The following USB1 variants were observed in gnomAD, a reference collection of about 807,000 sequenced individuals.
USB1 encodes the protein U6 snRNA phosphodiesterase 1.
Under a neutral mutation model 29.9 loss-of-function variants are expected in USB1, and 21 were observed. That is an observed-to-expected ratio of 0.70 (90% CI 0.50 to 1.01). The LOEUF (loss-of-function observed/expected upper bound fraction) is 1.01, where lower values mean the gene tolerates loss of function less well. Ranked by LOEUF, USB1 falls within the 50% of genes least tolerant of loss-of-function variation. The pLI, the probability that USB1 is intolerant of heterozygous loss-of-function variation, is 0.00. For missense variants in USB1, 330 were observed against 347.1 expected (o/e 0.95, Z 0.39); for synonymous variants, 143 against 134.9 (o/e 1.06, Z -0.42).
rs1963259752 is a variant in USB1, at chr16:58,002,773, T to G, written c.265+128T>G. 4 of 1,331,736 alleles carry G rather than the reference T, an allele frequency of 3.0e-6. No individual in the cohort carries two copies. In the East Asian group the frequency reaches 1.0e-4, roughly 33 times the overall value. The allele number at this position is 1,331,736 out of a possible 1,614,324, so 82.5% of individuals were successfully genotyped here. A position where few individuals can be genotyped will look rare whatever the true frequency, so the allele number is the denominator to read the frequency against. ...CTAACACTGGTGGTGGGAAAGTCATTGACTTAGCAGAGAAAGAGCAGGTTT... is the reference window on the plus strand; with the variant it reads ...CTAACACTGGTGGTGGGAAAGTCATGGACTTAGCAGAGAAAGAGCAGGTTT... On this transcript the variant is annotated intron_variant, in intron 2 of 6. Coordinates refer to ENST00000219281, the MANE Select transcript of USB1 (RefSeq NM_024598.4).
At chr16:58,011,004 C>T in intron 3 of USB1, 1 of 706,326 alleles carries the variant, frequency 1.4e-6, no homozygotes, top group East Asian at 2.7e-5. Flanking sequence ...ATGCCTTGCT[C>T]TTTCTGTGAT....
intron 3 of USB1, chr16:58,010,320 C>G: frequency 1.6e-6 from 1 of 618,016 alleles, no homozygotes; most frequent in Non-Finnish European, 2.8e-6. Flanking sequence ...CGTATCTGCT[C>G]TGTAGGAAAA....
At chr16:58,006,846 A>G (rs1381503295) in intron 2 of USB1, among the ~76,000 whole-genome samples, 1 of 152,212 alleles carries the variant, frequency 6.6e-6, no homozygotes, top group Non-Finnish European at 1.5e-5. Context: ...TCAGTTAGCT[A>G]TAGGTATTTT....
intron 5 of USB1, 28 bp from the exon 6 acceptor site, chr16:58,018,944 A>ACTGC: frequency 6.2e-7 from 1 of 1,612,704 alleles, no homozygotes; most frequent in Non-Finnish European, 8.5e-7. Context: ...CGTCCGGGTG[A>ACTGC]CTGCCTGCCT....
rs914167381 is a variant in USB1 at position 58,020,238 on chromosome 16, T to G, written c.791T>G (p.Leu264Trp). Reference protein sequence around the residue: ...KSGNKFFSMPLK With the variant: ...KSGNKFFSMPWK ...GGGAACAAGTTCTTCTCGATGCCTT[T>G]GAAGTGAGCACCAGAGGCCTTCCTC... The change falls in exon 7 of 7, where the codon TTG (leucine) becomes TGG (tryptophan). Residue 264 changes from leucine (L) to tryptophan (W), a missense_variant. Transcript: ENST00000219281. The G allele has an allele frequency of 6.2e-7, 1 of 1,614,130 alleles. No homozygotes were observed.
intron 6 of USB1, among the ~76,000 whole-genome samples, chr16:58,019,917 TC>T (rs1567424276): frequency 2.0e-5 from 3 of 152,094 alleles, no homozygotes; most frequent in Non-Finnish European, 4.4e-5. Flanking sequence ...GTTTCTGTGA[TC>T]CAGGGCTCTG....
chr16:58,000,052 C>G (rs374167714), upstream of USB1, among the ~76,000 whole-genome samples: 1 of 152,196 alleles, frequency 6.6e-6, no homozygotes, highest in African/African-American at 2.4e-5. This position sits in a 1 kb window ranked among gnomAD's most constrained non-coding sequence, Gnocchi z 4.5. Flanking sequence ...TGCGCCCCAC[C>G]CCGTCTCTTC....
chr16:58,014,279 C>G lies in USB1; in HGVS notation c.456C>G (p.Phe152Leu), dbSNP rs1963564332. 2.5e-6 allele frequency: 4 copies of G among 1,613,242 alleles called. No homozygotes were observed. Among genetic ancestry groups the G allele is most frequent in the Non-Finnish European group, 3.4e-6 (4 of 1,179,554 alleles). The change falls in exon 4 of 7, where the codon TTC (phenylalanine) becomes TTG (leucine). Residue 152 changes from phenylalanine to leucine, a missense_variant. Physicochemically the swap from Phe to Leu is conservative, Grantham distance 22. Transcript: ENST00000219281. ...ATGGTCTTCTAAATTTCAGATTCTT[C>G]TTTACTGCCAACCAGGTAAAGATTT... ...KARMTSFHRF[F>L]FTANQVKIYT... is the part of the protein sequence containing the mutation.
At position 58,014,258 on chromosome 16, in the gene USB1, T is replaced by G. The variant is rs753935773; in HGVS notation, c.450-15T>G. On this transcript the variant is annotated splice_polypyrimidine_tract_variant and intron_variant, in intron 3 of 6. Coordinates refer to ENST00000219281, the MANE Select transcript of USB1 (RefSeq NM_024598.4). Reference sequence around the variant, plus strand: ...TCTTACGATTTTTCCTGAAATATGGTCTTCTAAATTTCAGATTCTTCTTTA... The same window carrying G: ...TCTTACGATTTTTCCTGAAATATGGGCTTCTAAATTTCAGATTCTTCTTTA... 1 of 1,606,742 alleles carries G rather than the reference T, an allele frequency of 6.2e-7. No homozygotes were observed. Among genetic ancestry groups the G allele is most frequent in the Non-Finnish European group, 8.5e-7 (1 of 1,174,026 alleles).
intron 6 of USB1, among the ~76,000 whole-genome samples, chr16:58,019,431 AGGCTTGGGCCT>A (rs1397771028): frequency 6.6e-6 from 1 of 152,230 alleles, no homozygotes; most frequent in Non-Finnish European, 1.5e-5. Flanking sequence ...CAGAGGTCAG[AGGCTTGGGCCT>A]GGCACTGAAA....
chr16:58,006,862 A>G (rs1963372547), intron 2 of USB1, among the ~76,000 whole-genome samples: 1 of 152,224 alleles, frequency 6.6e-6, no homozygotes, highest in Non-Finnish European at 1.5e-5. Flanking sequence ...ATTTTTAGAC[A>G]TTCTCTATCA....
chr16:58,020,576 T>TCTCTCTCTTCCTCTC lies in USB1; in HGVS notation c.*337_*338insCTTCCTCTCCTCTCT. Reference sequence around the variant, plus strand: ...CTCCTCCCCTCCTCTCTTCCTCTCCTCTCTCTTCCTCTCCTCTCTCTACCC... The same window carrying TCTCTCTCTTCCTCTC: ...CTCCTCCCCTCCTCTCTTCCTCTCCTCTCTCTCTTCCTCTCCTCTCTTCCTCTCCTCTCTCTACCC... On this transcript the variant is annotated 3_prime_UTR_variant, in exon 7 of 7. Coordinates refer to ENST00000219281, the MANE Select transcript of USB1 (RefSeq NM_024598.4). The TCTCTCTCTTCCTCTC allele has an allele frequency of 6.6e-6, 2 of 303,732 alleles. No individual in the cohort carries two copies. The highest frequency in any genetic ancestry group is 2.7e-5 in the South Asian group (1 of 36,946). The allele number at this position is 303,732 out of a possible 1,614,324, so 18.8% of individuals were successfully genotyped here. A position where few individuals can be genotyped will look rare whatever the true frequency, so the allele number is the denominator to read the frequency against.
chr16:58,002,873 A>G (rs1412515143), intron 2 of USB1, among the ~76,000 whole-genome samples: 1 of 152,332 alleles, frequency 6.6e-6, no homozygotes, highest in African/African-American at 2.4e-5. Context: ...TGGGTATAAT[A>G]TTCTCCCTGT....
At chr16:58,012,635 T>A in intron 3 of USB1, 1 of 1,315,128 alleles carries the variant, frequency 7.6e-7, no homozygotes, top group East Asian at 3.1e-5. Flanking sequence ...GTCTGACCCG[T>A]CTCCTGTGTG....
In USB1 at chr16:58,013,991, T is replaced by C. The variant is rs938165323; in HGVS notation, c.450-282T>C. The C allele has an allele frequency of 1.2e-5, 5 of 408,032 alleles. No homozygotes were observed. Among genetic ancestry groups the C allele is most frequent in the African/African-American group, 8.1e-5 (4 of 49,498 alleles). The allele number at this position is 408,032 out of a possible 1,614,324, so 25.3% of individuals were successfully genotyped here. On this transcript the variant is annotated intron_variant, in intron 3 of 6. Transcript: ENST00000219281. This position sits in a 1 kb window ranked among gnomAD's most constrained non-coding sequence, Gnocchi z 4.3. ...GCTTTCTCAGTTCCCATCAGTGAAG[T>C]TGAGATAGTCTCAAATTGTTTATCG...
intron 4 of USB1, chr16:58,016,960 G>T (rs1963629872): frequency 1.2e-5 from 4 of 321,898 alleles, no homozygotes; most frequent in Admixed American, 4.5e-5. Flanking sequence ...AGATGCCTGG[G>T]AGCAAAGTCC....
upstream of USB1, among the ~76,000 whole-genome samples, chr16:58,000,924 C>T (rs1161772691): frequency 6.6e-6 from 1 of 152,122 alleles, no homozygotes; most frequent in Non-Finnish European, 1.5e-5. The surrounding 1 kb of genome is among the most constrained non-coding windows in gnomAD (Gnocchi z 4.5). Context: ...GGGGAGGGGG[C>T]TCCGGGTGAC....
chr16:58,011,690 C>T (rs1963500599), intron 3 of USB1: 2 of 987,770 alleles, frequency 2.0e-6, no homozygotes, highest in South Asian at 9.3e-5. Context: ...TCAGTTGGTC[C>T]TGTGGTTCTT....
At position 58,020,801 on chromosome 16, in the gene USB1, G is replaced by T; in HGVS notation, c.*556G>T. 5.7e-6 allele frequency: 1 copy of T among 174,268 alleles called. No individual in the cohort carries two copies. The highest frequency in any genetic ancestry group is 1.2e-5 in the Non-Finnish European group (1 of 80,544). The allele number at this position is 174,268 out of a possible 1,614,324, so 10.8% of individuals were successfully genotyped here. A position where few individuals can be genotyped will look rare whatever the true frequency, so the allele number is the denominator to read the frequency against. On this transcript the variant is annotated 3_prime_UTR_variant, in exon 7 of 7. Transcript: ENST00000219281. ...TCTCTCTCCTGTCTCGGCTGTTGTGGGTTGCAGGTTGGGTGCTGCTGTTGT... is the reference window on the plus strand; with the variant it reads ...TCTCTCTCCTGTCTCGGCTGTTGTGTGTTGCAGGTTGGGTGCTGCTGTTGT...
Sources: gnomAD v4.1 joint callset for allele counts (sites outside exome capture counted in the v4.1 genomes callset) on GRCh38, gnomAD v4.1.1 for gene constraint, Gnocchi (gnomAD v3.1) non-coding constraint, MANE v1.5 for transcripts, NCBI Gene and HGNC (gene_info 2026-07-23, HGNC 2026-07-21) for gene names.